The following IL6R variants were observed in gnomAD, a reference collection of about 807,000 sequenced individuals.
IL6R encodes the protein interleukin-6 receptor subunit alpha.
A neutral mutation model predicts 48.3 loss-of-function variants in IL6R; 38 were observed. That is an observed-to-expected ratio of 0.79 (90% CI 0.61 to 1.03). The LOEUF (loss-of-function observed/expected upper bound fraction) is 1.03. IL6R is among the 50% of genes least tolerant of loss of function. The pLI, the probability that IL6R is intolerant of heterozygous loss-of-function variation, is 0.00. For synonymous variants in IL6R, 264 were observed against 256.2 expected (o/e 1.03, Z -0.29); for missense variants, 534 against 618.3 (o/e 0.86, Z 1.45).
chr1:154,421,941 T>TA (rs1476331814), intron 1 of IL6R, among the ~76,000 whole-genome samples: 90 of 150,678 alleles, frequency 6.0e-4, no homozygotes, highest in African/African-American at 2.0e-3. Context: ...CTTTTTTTTT[T>TA]AATTATTATT....
chr1:154,453,334 G>A (rs961072907), intron 8 of IL6R, among the ~76,000 whole-genome samples: 1 of 152,250 alleles, frequency 6.6e-6, no homozygotes, highest in Admixed American at 6.5e-5. Context: ...ACTTGTCTTT[G>A]CAGCCAGCGC....
At chr1:154,458,466 C>G (rs1015702645) in intron 9 of IL6R, among the ~76,000 whole-genome samples, 1 of 152,206 alleles carries the variant, frequency 6.6e-6, no homozygotes, top group African/African-American at 2.4e-5. Context: ...TAGGTATACC[C>G]TCCTGTGTTC....
chr1:154,430,565 C>T lies in IL6R; in HGVS notation c.417C>T (p.Thr139=). The T allele has an allele frequency of 1.2e-6, 2 of 1,614,166 alleles. No homozygotes were observed. Among genetic ancestry groups the T allele is most frequent in the Middle Eastern group, 1.6e-4 (1 of 6,062 alleles). The change falls in exon 3 of 10, where the codon ACC becomes ACT. Residue 139 remains threonine, a synonymous_variant. Transcript: ENST00000368485. ...TTTGTGAGTGGGGTCCTCGGAGCAC[C>T]CCATCCCTGACGACAAAGGCTGTGC... is the stretch of plus-strand genomic sequence containing the variant. ...NVVCEWGPRS[T]PSLTTKAVLL... is the part of the protein sequence containing the mutation.
chr1:154,437,179 C>T (rs1266159654), intron 6 of IL6R, among the ~76,000 whole-genome samples: 1 of 152,210 alleles, frequency 6.6e-6, no homozygotes, highest in African/African-American at 2.4e-5. Context: ...TCACTGCAAG[C>T]TCCGCTTTCC....
chr1:154,454,525 G>A lies in IL6R; in HGVS notation c.1104G>A (p.Leu368=). The change falls in exon 9 of 10, where the codon CTG becomes CTA. Residue 368 remains leucine, a synonymous_variant. Coordinates refer to ENST00000368485, the MANE Select transcript of IL6R (RefSeq NM_000565.4). ...DSSSVPLPTF[L]VAGGSLAFGT... ...CTTCAGTACCACTGCCCACATTCCT[G>A]GTTGCTGGAGGGAGCCTGGCCTTCG... The A allele has an allele frequency of 6.2e-7, 1 of 1,613,610 alleles. No homozygotes were observed. The highest frequency in any genetic ancestry group is 1.7e-5 in the Admixed American group (1 of 59,982).
In IL6R at chr1:154,430,693, A is replaced by G. The variant is rs1689248277; in HGVS notation, c.458+87A>G. ...AGGGGCTGGTTCAGGTGATTTCAAA[A>G]CATTATCATTAGGAATTAATTCCTT... On this transcript the variant is annotated intron_variant, in intron 3 of 9. Transcript: ENST00000368485. The G allele has an allele frequency of 3.3e-6, 5 of 1,529,566 alleles. No homozygotes were observed. The Admixed American group carries it at 7.3e-5, about 22-fold the overall frequency. The allele number at this position is 1,529,566 out of a possible 1,614,324, so 94.7% of individuals were successfully genotyped here. A position where few individuals can be genotyped will look rare whatever the true frequency, so the allele number is the denominator to read the frequency against.
chr1:154,445,609 G>T (rs1015280597), intron 6 of IL6R, among the ~76,000 whole-genome samples: 1 of 152,096 alleles, frequency 6.6e-6, no homozygotes, highest in Non-Finnish European at 1.5e-5. Flanking sequence ...AATTAGGCGG[G>T]TGTGGTGGTG....
At chr1:154,422,007 T>C (rs1688695291) in intron 1 of IL6R, among the ~76,000 whole-genome samples, 2 of 151,958 alleles carry the variant, frequency 1.3e-5, no homozygotes, top group Admixed American at 6.6e-5. Context: ...AGTGCAATGG[T>C]GCAATCTCAG....
intron 3 of IL6R, among the ~76,000 whole-genome samples, chr1:154,430,847 G>C (rs918858022): frequency 6.6e-6 from 1 of 152,190 alleles, no homozygotes; most frequent in African/African-American, 2.4e-5. Flanking sequence ...ACAGCTATGG[G>C]AAGTGGGCTT....
chr1:154,411,536 A>G (rs1688018678), intron 1 of IL6R, among the ~76,000 whole-genome samples: 1 of 152,050 alleles, frequency 6.6e-6, no homozygotes, highest in South Asian at 2.1e-4. Flanking sequence ...TGGTCAGTGG[A>G]ATGTTTTGCA....
intron 8 of IL6R, 130 bp from the exon 9 acceptor site, chr1:154,454,358 A>AG (rs1690752031): frequency 4.8e-6 from 3 of 630,470 alleles, no homozygotes; most frequent in South Asian, 3.7e-5. Context: ...ATTTTCTGGG[A>AG]GGGGGGTTGG....
At chr1:154,430,438 AG>A in intron 2 of IL6R, 44 bp from the exon 3 acceptor site, 1 of 1,605,984 alleles carries the variant, frequency 6.2e-7, no homozygotes, top group Non-Finnish European at 8.5e-7. Flanking sequence ...AGTGCGCCCC[AG>A]GATCCCCGCC....
intron 9 of IL6R, among the ~76,000 whole-genome samples, chr1:154,455,913 T>G (rs1295448195): frequency 1.3e-5 from 2 of 151,888 alleles, no homozygotes. Context: ...AAAAATTTGC[T>G]GGGCATGGTA....
At position 154,429,253 on chromosome 1, in the gene IL6R, C is replaced by CG. The variant is rs770415570; in HGVS notation, c.148dup (p.Val50GlyfsTer84). 6.2e-7 allele frequency: 1 copy of CG among 1,614,088 alleles called. No individual in the cohort carries two copies. The highest frequency in any genetic ancestry group is 1.1e-5 in the South Asian group (1 of 91,076). On this transcript the variant is annotated frameshift_variant, in exon 2 of 10. Transcript: ENST00000368485. LOFTEE classifies it high-confidence loss of function. ...GGAGACAGCGTGACTCTGACCTGCCCGGGGGTAGAGCCGGAAGACAATGCC... is the reference window on the plus strand; with the variant it reads ...GGAGACAGCGTGACTCTGACCTGCCCGGGGGGTAGAGCCGGAAGACAATGCC...
intron 2 of IL6R, among the ~76,000 whole-genome samples, chr1:154,429,998 G>T (rs1013485142): frequency 7.9e-5 from 12 of 152,150 alleles, no homozygotes; most frequent in Non-Finnish European, 1.2e-4. Context: ...TGCCCTGTGT[G>T]TCGAGCCCTA....
At chr1:154,439,665 G>A (rs2149250456) in intron 6 of IL6R, among the ~76,000 whole-genome samples, 1 of 152,256 alleles carries the variant, frequency 6.6e-6, no homozygotes, top group Non-Finnish European at 1.5e-5. Flanking sequence ...GTATTGTTGT[G>A]CAACCATCAC....
Position 154,405,767 on chromosome 1 carries a change from A to G in IL6R, c.85+53A>G, listed in dbSNP as rs1687670985. On this transcript the variant is annotated intron_variant, in intron 1 of 9. Coordinates refer to ENST00000368485, the MANE Select transcript of IL6R (RefSeq NM_000565.4). The surrounding 1 kb of genome is among the most constrained non-coding windows in gnomAD (Gnocchi z 5.2). Reference sequence around the variant, plus strand: ...CTGGGGCAGCTAGCGGCTGGGGGAAACCGCCTTGGTCACCGCAGTCTGTGG... The same window carrying G: ...CTGGGGCAGCTAGCGGCTGGGGGAAGCCGCCTTGGTCACCGCAGTCTGTGG... 2.3e-6 allele frequency: 3 copies of G among 1,296,662 alleles called. No individual in the cohort carries two copies. Among genetic ancestry groups the G allele is most frequent in the Admixed American group, 6.6e-5 (2 of 30,114 alleles). 80.3% of individuals were successfully genotyped at this position (1,296,662 alleles called of 1,614,324 possible).
chr1:154,429,578 A>G (rs1689179062), intron 2 of IL6R, 134 bp downstream of exon 2: 2 of 1,028,296 alleles, frequency 1.9e-6, no homozygotes, highest in Non-Finnish European at 2.8e-6. Flanking sequence ...AGGCCCACCA[A>G]TGTCTGCCAT....
In IL6R at chr1:154,445,072, T is replaced by C. The variant is rs941593607; in HGVS notation, c.950-3053T>C. 3 of 455,856 alleles carry C rather than the reference T, an allele frequency of 6.6e-6. No individual in the cohort carries two copies. In the East Asian group the frequency reaches 2.1e-4, roughly 32 times the overall value. 28.2% of individuals were successfully genotyped at this position (455,856 alleles called of 1,614,324 possible). On this transcript the variant is annotated intron_variant, in intron 6 of 9. Transcript: ENST00000368485. Reference sequence around the variant, plus strand: ...GCTTCTCTCCACAGACCATCCCGGGTGGCATTTGGGACCCAGCTGGAGGTG... The same window carrying C: ...GCTTCTCTCCACAGACCATCCCGGGCGGCATTTGGGACCCAGCTGGAGGTG...
Sources: allele counts gnomAD v4.1 joint callset (sites outside exome capture counted in the v4.1 genomes callset), GRCh38; gene constraint gnomAD v4.1.1; non-coding constraint Gnocchi (gnomAD v3.1); transcripts MANE v1.5; gene names NCBI Gene and HGNC (gene_info 2026-07-23, HGNC 2026-07-21).